FMN2: variants seen among roughly 807,000 people sequenced by gnomAD.
The protein encoded by FMN2 is formin-2.
FMN2 carries 51 observed loss-of-function variants against 142.3 expected under a neutral mutation model. The observed-to-expected ratio is 0.36, with a 90% CI of 0.29 to 0.45. FMN2 has a LOEUF of 0.45. Among genes scored for constraint, FMN2 ranks in the 20% least tolerant of loss-of-function variants. The probability of loss-of-function intolerance (pLI) is 1.00; values close to 1 mark genes in which losing one functional copy is unlikely to be tolerated. For missense variants in FMN2, 1,936 were observed against 2,122.8 expected, an observed-to-expected ratio of 0.91 and a Z score of 1.73; for synonymous variants, 882 against 869.8, an observed-to-expected ratio of 1.01 and a Z score of -0.25.
chr1:240,309,442 C>A (rs1670526800), intron 8 of FMN2, among the ~76,000 whole-genome samples: 1 of 152,110 alleles, frequency 6.6e-6, no homozygotes, highest in South Asian at 2.1e-4. Context: ...AGGAAACAAA[C>A]CTCAGGGCAC....
chr1:240,269,104 A>G (rs1162389638), intron 7 of FMN2, among the ~76,000 whole-genome samples: 1 of 151,982 alleles, frequency 6.6e-6, no homozygotes, highest in Non-Finnish European at 1.5e-5. Context: ...CTTTTGGGTC[A>G]TATCCGAGAA....
chr1:240,277,735 A>G (rs1669266063), intron 7 of FMN2, among the ~76,000 whole-genome samples: 1 of 151,788 alleles, frequency 6.6e-6, no homozygotes, highest in East Asian at 2.0e-4. Context: ...AGGTTTCACC[A>G]TGTTGGCCAG....
intron 2 of FMN2, among the ~76,000 whole-genome samples, chr1:240,146,384 ACT>A (rs1436604817): frequency 3.5e-5 from 4 of 112,834 alleles, no homozygotes; most frequent in Non-Finnish European, 7.3e-5. Context: ...ACAGAGCAAG[ACT>A]CTGTCTCAAA....
intron 3 of FMN2, among the ~76,000 whole-genome samples, chr1:240,182,333 ATG>A (rs1665187436): frequency 6.6e-6 from 1 of 152,192 alleles, no homozygotes; most frequent in Admixed American, 6.5e-5. Context: ...TTCTTTGAAA[ATG>A]TGAATGGCTG....
chr1:240,314,712 C>T (rs1409122913), intron 8 of FMN2, among the ~76,000 whole-genome samples: 1 of 152,116 alleles, frequency 6.6e-6, no homozygotes, highest in Non-Finnish European at 1.5e-5. Flanking sequence ...TTGTTTGCTT[C>T]TCCTTTTATT....
intron 6 of FMN2, among the ~76,000 whole-genome samples, chr1:240,243,423 C>T (rs1011494286): frequency 1.3e-5 from 2 of 152,152 alleles, no homozygotes; most frequent in African/African-American, 2.4e-5. Flanking sequence ...TTTGTAAATT[C>T]CCAAGGGGCA....
chr1:240,370,862 G>A (rs1672841694), intron 14 of FMN2, among the ~76,000 whole-genome samples: 2 of 152,104 alleles, frequency 1.3e-5, no homozygotes, highest in South Asian at 2.1e-4. Flanking sequence ...TTATTAAAGT[G>A]TGCGACTACT....
At chr1:240,276,484 G>A (rs1020500202) in intron 7 of FMN2, among the ~76,000 whole-genome samples, 4 of 152,116 alleles carry the variant, frequency 2.6e-5, no homozygotes, top group African/African-American at 9.7e-5. Flanking sequence ...ACCCTACCTT[G>A]GGGGTTAAGT....
At position 240,188,207 on chromosome 1, in the gene FMN2, A is replaced by C; in HGVS notation, c.1931A>C (p.Glu644Ala). 1 of 1,613,748 alleles carries C rather than the reference A, an allele frequency of 6.2e-7. No homozygotes were observed. Among genetic ancestry groups the C allele is most frequent in the Non-Finnish European group, 8.5e-7 (1 of 1,179,848 alleles). ...EEHRLEDAET[E>A]SQSAVSETPQ... ...ACTGTCTGCTTCCTTTCCAATCTAGAATCTCAATCTGCTGTTTCAGAAACT... is the reference window on the plus strand; with the variant it reads ...ACTGTCTGCTTCCTTTCCAATCTAGCATCTCAATCTGCTGTTTCAGAAACT... The change falls in exon 4 of 18, where the codon GAA (glutamate) becomes GCA (alanine). Residue 644 changes from glutamate to alanine, a missense_variant and splice_region_variant. By Grantham distance (107) the Glu-to-Ala change is moderately radical. Around this residue, in one of 8 missense-constraint regions of FMN2, gnomAD observed 478 missense variants for 462.8 expected, o/e 1.03. Coordinates refer to ENST00000319653, the MANE Select transcript of FMN2 (RefSeq NM_020066.5).
intron 13 of FMN2, among the ~76,000 whole-genome samples, chr1:240,341,750 C>A (rs1671748108): frequency 6.6e-6 from 1 of 152,184 alleles, no homozygotes; most frequent in Admixed American, 6.5e-5. Flanking sequence ...ACCCAAGTCA[C>A]AATCAAAGCT....
chr1:240,395,342 G>A (rs1482421078), intron 15 of FMN2, among the ~76,000 whole-genome samples: 1 of 152,154 alleles, frequency 6.6e-6, no homozygotes, highest in Non-Finnish European at 1.5e-5. Flanking sequence ...TGCTAACACA[G>A]CATTCATTTT....
intron 8 of FMN2, among the ~76,000 whole-genome samples, chr1:240,302,368 T>C (rs1670229636): frequency 1.3e-5 from 2 of 151,870 alleles, no homozygotes; most frequent in African/African-American, 2.4e-5. Flanking sequence ...ACCCAGAATA[T>C]TGAAAAATTC....
rs1279779907 is a variant in FMN2, at chr1:240,093,233, C to A, written c.1124C>A (p.Pro375Gln). Residue 375 changes from proline to glutamine, a missense_variant, in exon 1 of 18, where the codon CCG becomes CAG. Physicochemically the swap from Pro to Gln is moderately conservative, Grantham distance 76. Around this residue, in one of 8 missense-constraint regions of FMN2, gnomAD observed 751 missense variants for 791.8 expected, o/e 0.95. Transcript: ENST00000319653. The stretch of plus-strand genomic sequence containing the variant: ...GCCCCGGAGGTGGGAGAGGACGCCC[C>A]GCAGAGGCTGGGGGAAGAGCCGGAG... ...EWAPEVGEDAPQRLGEEPEEE... is the reference protein window; with the variant it reads ...EWAPEVGEDAQQRLGEEPEEE... 1 of 1,545,406 alleles carries A rather than the reference C, an allele frequency of 6.5e-7. No individual in the cohort carries two copies. The highest frequency in any genetic ancestry group is 1.2e-5 in the South Asian group (1 of 81,186).
At chr1:240,420,367 G>T (rs1674721251) in intron 15 of FMN2, among the ~76,000 whole-genome samples, 1 of 152,106 alleles carries the variant, frequency 6.6e-6, no homozygotes, top group Non-Finnish European at 1.5e-5. Context: ...CTATCACTCA[G>T]AAGAGACCTA....
chr1:240,211,301 GA>G, intron 6 of FMN2, 66 bp downstream of exon 6: 2 of 1,495,638 alleles, frequency 1.3e-6, no homozygotes, highest in Non-Finnish European at 1.8e-6. Context: ...TGTCATTAGA[GA>G]AAACTTTGAA....
At chr1:240,171,024 C>G in intron 2 of FMN2, 1 of 917,372 alleles carries the variant, frequency 1.1e-6, no homozygotes, top group South Asian at 1.3e-5. Flanking sequence ...GTCAGCAGGG[C>G]TGGGGCGTCA....
intron 14 of FMN2, among the ~76,000 whole-genome samples, chr1:240,373,635 G>T (rs1412249346): frequency 1.3e-5 from 2 of 152,120 alleles, no homozygotes; most frequent in Non-Finnish European, 2.9e-5. Context: ...CATCATGAGC[G>T]ATTTGCTGCG....
intron 2 of FMN2, 119 bp downstream of exon 2, chr1:240,123,464 T>C: frequency 2.1e-6 from 2 of 966,870 alleles, no homozygotes; most frequent in Non-Finnish European, 2.9e-6. Context: ...AAGCATTTTT[T>C]TTCCTTAGCT....
intron 2 of FMN2, chr1:240,143,078 C>G: frequency 6.6e-7 from 1 of 1,512,594 alleles, no homozygotes; most frequent in Non-Finnish European, 9.2e-7. Context: ...GTGTACCCTT[C>G]CCTAAATGTG....
Sources: gnomAD v4.1 joint callset for allele counts (sites outside exome capture counted in the v4.1 genomes callset) on GRCh38, gnomAD v4.1.1 for gene constraint, gnomAD v4.1.1 regional missense constraint, MANE v1.5 for transcripts, NCBI Gene and HGNC (gene_info 2026-07-23, HGNC 2026-07-21) for gene names.